Variants in PLCG2 observed in about 807,000 individuals in gnomAD.
PLCG2 encodes phospholipase C gamma 2.
In PLCG2, 69 loss-of-function variants were observed where a neutral mutation model predicts 175.6. The ratio of observed to expected loss-of-function variants is 0.39; its 90% CI spans 0.32 to 0.48. PLCG2 has a LOEUF of 0.48. PLCG2 is among the 20% of genes least tolerant of loss of function. The probability of loss-of-function intolerance (pLI) is 0.91; values close to 1 mark genes in which losing one functional copy is unlikely to be tolerated. For missense variants in PLCG2, 1,798 were observed against 1,650.9 expected (o/e 1.09, Z -1.54); for synonymous variants, 827 against 624.0 (o/e 1.33, Z -4.85).
At chr16:81,819,917 C>T (rs1904720811) in intron 2 of PLCG2, among the ~76,000 whole-genome samples, 1 of 152,098 alleles carries the variant, frequency 6.6e-6, no homozygotes, top group Non-Finnish European at 1.5e-5. Context: ...TTTAGTAGGT[C>T]TTATTTTCCA....
At chr16:81,919,748 G>T in intron 20 of PLCG2, 84 bp downstream of exon 20, 1 of 1,184,770 alleles carries the variant, frequency 8.4e-7, no homozygotes, top group South Asian at 1.4e-5. Flanking sequence ...GCAAACCTCT[G>T]AGTATTCACC....
intron 8 of PLCG2, among the ~76,000 whole-genome samples, chr16:81,882,099 C>G (rs541033645): frequency 1.1e-4 from 17 of 152,344 alleles, no homozygotes; most frequent in South Asian, 8.3e-4. Flanking sequence ...CATGTTTCAT[C>G]TCTTACACTA....
At chr16:81,754,061 C>T (rs997919970) in intron 1 of PLCG2, among the ~76,000 whole-genome samples, 10 of 152,172 alleles carry the variant, frequency 6.6e-5, no homozygotes, top group Non-Finnish European at 8.8e-5. Context: ...GAGGAAAGTC[C>T]AGGCCAGGCC....
chr16:81,911,681 G>T lies in PLCG2; in HGVS notation c.1935-916G>T, dbSNP rs1909630384. Among the ~76,000 whole-genome samples, 6 of 151,816 alleles carry T rather than the reference G, an allele frequency of 4.0e-5. No individual in the cohort carries two copies. The South Asian group carries it at 1.2e-3, about 31-fold the overall frequency. On this transcript the variant is annotated intron_variant, in intron 18 of 32. Transcript: ENST00000564138. ...GCTGGAGTGCAATGGCACGATCTCA[G>T]CTCACTGCAACCTCTGCCTCCCAGG...
chr16:81,755,529 C>T (rs780910572), intron 1 of PLCG2, among the ~76,000 whole-genome samples: 8 of 151,046 alleles, frequency 5.3e-5, no homozygotes, highest in Non-Finnish European at 1.2e-4. Context: ...TTAACGTCAG[C>T]TTCTCTTATT....
intron 19 of PLCG2, among the ~76,000 whole-genome samples, chr16:81,918,994 G>C (rs569201734): frequency 1.3e-5 from 2 of 152,228 alleles, no homozygotes; most frequent in East Asian, 3.9e-4. Flanking sequence ...AACATTTTCT[G>C]TGAAGGACCA....
intron 13 of PLCG2, among the ~76,000 whole-genome samples, chr16:81,896,412 AC>A (rs1908892230): frequency 2.0e-5 from 2 of 101,846 alleles, no homozygotes; most frequent in Admixed American, 1.0e-4. Flanking sequence ...ACACACACAC[AC>A]ACACACACAC....
At chr16:81,952,282 C>A (rs977128053) in intron 31 of PLCG2, among the ~76,000 whole-genome samples, 3 of 151,922 alleles carry the variant, frequency 2.0e-5, no homozygotes, top group African/African-American at 4.8e-5. Flanking sequence ...TATATTCACA[C>A]GTAGATGAAT....
At chr16:81,821,513 C>A (rs1304041195) in intron 2 of PLCG2, among the ~76,000 whole-genome samples, 2 of 152,108 alleles carry the variant, frequency 1.3e-5, no homozygotes, top group Admixed American at 1.3e-4. Flanking sequence ...GCAGCCGTTG[C>A]CTCTTCTAAG....
chr16:81,866,525 C>T (rs1907244709), intron 5 of PLCG2, among the ~76,000 whole-genome samples: 1 of 87,422 alleles, frequency 1.1e-5, no homozygotes, highest in East Asian at 3.8e-4. Context: ...CTCTCCCTTG[C>T]TCCCAGGATG....
At chr16:81,860,322 A>G (rs1398597463) in intron 5 of PLCG2, among the ~76,000 whole-genome samples, 2 of 151,948 alleles carry the variant, frequency 1.3e-5, no homozygotes, top group East Asian at 3.9e-4. Flanking sequence ...CCAATCCTTT[A>G]TCATTACTGT....
chr16:81,821,871 GTT>G (rs553131341), intron 2 of PLCG2, among the ~76,000 whole-genome samples: 1 of 146,256 alleles, frequency 6.8e-6, no homozygotes, highest in Non-Finnish European at 1.5e-5. Context: ...GATCCAAGAT[GTT>G]TTTTTTTTTT....
chr16:81,897,538 CTTTTCTTTTCT>C (rs1253805856), intron 13 of PLCG2, among the ~76,000 whole-genome samples: 2 of 122,296 alleles, frequency 1.6e-5, no homozygotes, highest in African/African-American at 2.8e-5. Context: ...TTTTTCTTTT[CTTTTCTTTTCT>C]TTTTTTTTTT....
intron 2 of PLCG2, among the ~76,000 whole-genome samples, chr16:81,788,871 C>T: frequency 6.6e-6 from 1 of 152,182 alleles, no homozygotes; most frequent in Non-Finnish European, 1.5e-5. Flanking sequence ...AAACCTGTTG[C>T]AGCTGGGGTG....
At chr16:81,811,287 G>T (rs370188982) in intron 2 of PLCG2, among the ~76,000 whole-genome samples, 1 of 152,086 alleles carries the variant, frequency 6.6e-6, no homozygotes, top group South Asian at 2.1e-4. Context: ...ACTAGAGATC[G>T]GGTATGTAAA....
chr16:81,897,229 T>C (rs866405245), intron 13 of PLCG2, among the ~76,000 whole-genome samples: 11 of 152,370 alleles, frequency 7.2e-5, no homozygotes, highest in South Asian at 2.1e-4. Flanking sequence ...GCAAGAGGCC[T>C]TCTATAGGCT....
rs533385100 is a variant in PLCG2, at chr16:81,895,631, T to C, written c.1073-176T>C. 50 of 615,862 alleles carry C rather than the reference T, an allele frequency of 8.1e-5. No homozygotes were observed. The East Asian group carries it at 1.4e-3, about 17-fold the overall frequency. The allele number at this position is 615,862 out of a possible 1,614,324, so 38.1% of individuals were successfully genotyped here. On this transcript the variant is annotated intron_variant, in intron 12 of 32. Transcript: ENST00000564138. ...CTTGGACAGCTGCACTTGCATTATG[T>C]AAGCGCACAGGGAACCCTGCGGATA...
At chr16:81,932,667 C>T (rs919896858) in intron 25 of PLCG2, among the ~76,000 whole-genome samples, 1 of 152,170 alleles carries the variant, frequency 6.6e-6, no homozygotes. Context: ...CGAGAGGATC[C>T]TTGACTCACT....
At position 81,895,894 on chromosome 16, in the gene PLCG2, A is replaced by C. The variant is rs201654184; in HGVS notation, c.1160A>C (p.Gln387Pro). The change falls in exon 13 of 33, where the codon CAG becomes CCG. Residue 387 changes from glutamine (Q) to proline (P), a missense_variant. Transcript: ENST00000564138. ...TTKIKFDDVV[Q>P]AIKDHAFVTS... ...AAGATCAAGTTTGACGACGTCGTGC[A>C]GGCCATCAAAGACCACGCCTTTGTT... 5.6e-4 allele frequency: 897 copies of C among 1,614,118 alleles called. No homozygotes were observed. Among genetic ancestry groups the C allele is most frequent in the Non-Finnish European group, 7.2e-4 (853 of 1,179,994 alleles).
Sources: allele counts gnomAD v4.1 joint callset (sites outside exome capture counted in the v4.1 genomes callset), GRCh38; gene constraint gnomAD v4.1.1; transcripts MANE v1.5; gene names NCBI Gene and HGNC (gene_info 2026-07-23, HGNC 2026-07-21).